Variants in CHRDL1 observed in about 807,000 individuals in gnomAD.
The protein encoded by CHRDL1 is chordin like 1.
A neutral mutation model predicts 40.9 loss-of-function variants in CHRDL1; 19 were observed. The observed-to-expected ratio is 0.46, with a 90% CI of 0.32 to 0.68. The LOEUF (loss-of-function observed/expected upper bound fraction) is 0.68. CHRDL1 is among the 30% of genes least tolerant of loss of function. CHRDL1 has a pLI of 0.03. For synonymous variants in CHRDL1, 136 were observed against 123.4 expected (o/e 1.10, Z -0.68); for missense variants, 329 against 352.1 (o/e 0.93, Z 0.53).
chrX:110,703,792 C>A (rs7877330), intron 6 of CHRDL1, among the ~76,000 whole-genome samples: 8,572 of 111,446 alleles, frequency 0.077, 796 homozygotes, highest in African/African-American at 0.27. Flanking sequence ...CAGCATAAAC[C>A]GACAGTGATA....
intron 2 of CHRDL1, among the ~76,000 whole-genome samples, chrX:110,767,598 C>CAATAAAATAA (rs66986770): frequency 0.012 from 1,023 of 83,074 alleles, 21 homozygotes; most frequent in African/African-American, 0.042. Context: ...ACAAAGGATG[C>CAATAAAATAA]AATAAAATAA....
chrX:110,772,750 G>A (rs2089780545), intron 2 of CHRDL1, among the ~76,000 whole-genome samples: 2 of 112,850 alleles, frequency 1.8e-5, no homozygotes, highest in African/African-American at 6.4e-5. Flanking sequence ...ACCCACATAT[G>A]TGGTCAATTG....
Position 110,674,091 on chromosome X carries a change from C to T in CHRDL1, c.*2140G>A, listed in dbSNP as rs1303789409. The T allele has an allele frequency of 1.8e-5, 2 of 111,630 alleles. No homozygotes were observed. Among genetic ancestry groups the T allele is most frequent in the Non-Finnish European group, 3.8e-5 (2 of 53,145 alleles). The allele number at this position is 111,630 out of a possible 1,213,427, so 9.2% of individuals were successfully genotyped here. ...ACAAATAAATACACAAGAAGAACCA[C>T]ATCCATTCTTCTCTACTAACTACAG... On this transcript the variant is annotated 3_prime_UTR_variant, in exon 12 of 12. Coordinates refer to ENST00000372042, the MANE Select transcript of CHRDL1 (RefSeq NM_001143981.2).
intron 2 of CHRDL1, among the ~76,000 whole-genome samples, chrX:110,773,320 ACTT>A (rs1296324579): frequency 5.4e-5 from 6 of 111,935 alleles, no homozygotes; most frequent in African/African-American, 1.6e-4. Flanking sequence ...TTCTCTTGAG[ACTT>A]CTTCTTTGAC....
intron 6 of CHRDL1, among the ~76,000 whole-genome samples, chrX:110,705,262 C>A (rs2070599995): frequency 1.1e-5 from 1 of 94,337 alleles, no homozygotes; most frequent in African/African-American, 4.0e-5. Context: ...TTCAGCACTT[C>A]ATTAAAAAGT....
At chrX:110,713,869 C>A (rs977044980) in intron 6 of CHRDL1, among the ~76,000 whole-genome samples, 2 of 111,074 alleles carry the variant, frequency 1.8e-5, no homozygotes, top group African/African-American at 6.5e-5. Flanking sequence ...TTAATACCTA[C>A]CCCAAATACC....
chrX:110,788,119 A>G (rs2090044967), intron 2 of CHRDL1, among the ~76,000 whole-genome samples: 1 of 112,632 alleles, frequency 8.9e-6, no homozygotes, highest in South Asian at 3.7e-4. Context: ...TTTCCCAGCT[A>G]AAGAACTCAA....
chrX:110,693,573 T>C (rs1474993958), intron 8 of CHRDL1, among the ~76,000 whole-genome samples: 1 of 110,486 alleles, frequency 9.1e-6, no homozygotes, highest in Non-Finnish European at 1.9e-5. Flanking sequence ...CCAGCCTGGT[T>C]TGAACCCCTG....
intron 2 of CHRDL1, among the ~76,000 whole-genome samples, chrX:110,777,961 C>T (rs1303549617): frequency 9.0e-6 from 1 of 110,758 alleles, no homozygotes; most frequent in Non-Finnish European, 1.9e-5. Flanking sequence ...TGTCACAGAC[C>T]ATTTGATCTT....
At chrX:110,763,576 C>G (rs2089605542) in intron 2 of CHRDL1, among the ~76,000 whole-genome samples, 1 of 102,639 alleles carries the variant, frequency 9.7e-6, no homozygotes, top group Admixed American at 1.0e-4. Flanking sequence ...CATACTGACT[C>G]TCTGTCTCTG....
chrX:110,785,389 G>A (rs767577962), intron 2 of CHRDL1, among the ~76,000 whole-genome samples: 8 of 111,582 alleles, frequency 7.2e-5, no homozygotes, highest in Non-Finnish European at 1.1e-4. Flanking sequence ...CATACATTTT[G>A]GAAAAACAGA....
intron 9 of CHRDL1, 32 bp downstream of exon 9, chrX:110,688,562 T>A (rs1174655188): frequency 9.3e-7 from 1 of 1,075,182 alleles, no homozygotes; most frequent in Admixed American, 2.2e-5. Context: ...AGAATCTCAG[T>A]CAACCAAAAG....
chrX:110,747,409 A>AACACACACACACACACACACACAC (rs113917102), intron 4 of CHRDL1, among the ~76,000 whole-genome samples: 45 of 91,227 alleles, frequency 4.9e-4, no homozygotes, highest in African/African-American at 1.7e-3. Context: ...ATCAAAACAA[A>AACACACACACACACACACACACAC]ACACACACAC....
At chrX:110,682,307 T>C (rs2069917775) in intron 9 of CHRDL1, among the ~76,000 whole-genome samples, 1 of 111,941 alleles carries the variant, frequency 8.9e-6, no homozygotes, top group African/African-American at 3.2e-5. Context: ...CTATGCCAAA[T>C]GAATGGTTGG....
chrX:110,750,965 G>A (rs1415253807), intron 4 of CHRDL1, among the ~76,000 whole-genome samples: 2 of 111,882 alleles, frequency 1.8e-5, no homozygotes, highest in African/African-American at 6.5e-5. Context: ...AGATCCCACT[G>A]CTGCAAGATC....
intron 1 of CHRDL1, among the ~76,000 whole-genome samples, chrX:110,793,619 A>G (rs771250699): frequency 8.9e-6 from 1 of 111,953 alleles, no homozygotes; most frequent in Non-Finnish European, 1.9e-5. Flanking sequence ...TAACACAGCT[A>G]CCCACCTCAG....
chrX:110,790,898 T>A (rs1602435221), intron 2 of CHRDL1, among the ~76,000 whole-genome samples: 2 of 105,130 alleles, frequency 1.9e-5, no homozygotes, highest in Non-Finnish European at 3.9e-5. Context: ...TCCTTTTGTG[T>A]CCCAATCATA....
At chrX:110,739,405 G>A (rs757901701) in intron 4 of CHRDL1, among the ~76,000 whole-genome samples, 1 of 111,876 alleles carries the variant, frequency 8.9e-6, no homozygotes, top group Non-Finnish European at 1.9e-5. Flanking sequence ...ATTGAATGTG[G>A]GAAGAAATGA....
chrX:110,781,797 G>A (rs2089948151), intron 2 of CHRDL1, among the ~76,000 whole-genome samples: 2 of 112,089 alleles, frequency 1.8e-5, no homozygotes, highest in South Asian at 7.5e-4. Flanking sequence ...ATATTGATGT[G>A]ATGAGGAAGG....
Sources: allele counts gnomAD v4.1 joint callset (sites outside exome capture counted in the v4.1 genomes callset), GRCh38; gene constraint gnomAD v4.1.1; transcripts MANE v1.5; gene names NCBI Gene and HGNC (gene_info 2026-07-23, HGNC 2026-07-21).